The following COL6A5 variants were observed in gnomAD, a reference collection of about 807,000 sequenced individuals.
The protein encoded by COL6A5 is collagen type VI alpha 5 chain.
Under a neutral mutation model 65.6 loss-of-function variants are expected in COL6A5, and 48 were observed. The observed-to-expected ratio is 0.73, with a 90% CI of 0.58 to 0.93. The LOEUF (loss-of-function observed/expected upper bound fraction) is 0.93. Among genes scored for constraint, COL6A5 ranks in the 40% least tolerant of loss-of-function variants. The probability of loss-of-function intolerance (pLI) is 0.00; values close to 1 mark genes in which losing one functional copy is unlikely to be tolerated. For synonymous variants in COL6A5, 291 were observed against 322.8 expected (o/e 0.90, Z 1.05); for missense variants, 914 against 928.3 (o/e 0.98, Z 0.20).
intron 3 of COL6A5, 124 bp downstream of exon 3, chr3:130,376,960 A>G (rs1935807704): frequency 1.3e-5 from 14 of 1,087,154 alleles, no homozygotes; most frequent in Non-Finnish European, 1.7e-5. Context: ...GGAAACTTCT[A>G]CACATCATAC....
intron 3 of COL6A5, among the ~76,000 whole-genome samples, chr3:130,377,990 T>C (rs1385863502): frequency 2.0e-5 from 3 of 152,170 alleles, no homozygotes; most frequent in Non-Finnish European, 4.4e-5. Flanking sequence ...GGAGGAATAG[T>C]GATAAGTAAG....
chr3:130,479,419 C>CA (rs1553761758), intron 7 of COL6A5, among the ~76,000 whole-genome samples: 1 of 151,228 alleles, frequency 6.6e-6, no homozygotes, highest in Admixed American at 6.6e-5. Flanking sequence ...TTTTATCAGG[C>CA]AAAACAAAAA....
exon 8 of COL6A5, chr3:130,484,503 A>T: frequency 2.5e-6 from 1 of 401,412 alleles, no homozygotes; most frequent in African/African-American, 2.0e-5. Context: ...TGCCCATGTC[A>T]TCGGTTCTGG....
chr3:130,474,896 A>G (rs1710049534), intron 7 of COL6A5, among the ~76,000 whole-genome samples: 1 of 150,498 alleles, frequency 6.6e-6, no homozygotes, highest in Non-Finnish European at 1.5e-5. Flanking sequence ...AGTCCCAGGT[A>G]CTCAGGTGAC....
intron 4 of COL6A5, among the ~76,000 whole-genome samples, chr3:130,380,601 T>G (rs1252372917): frequency 6.6e-6 from 1 of 152,172 alleles, no homozygotes; most frequent in African/African-American, 2.4e-5. Flanking sequence ...CACTGTCCAC[T>G]AGGTCAGCCA....
chr3:130,359,083 A>C (rs1302674448), intron 1 of COL6A5, among the ~76,000 whole-genome samples: 2 of 152,182 alleles, frequency 1.3e-5, no homozygotes, highest in Admixed American at 1.3e-4. Flanking sequence ...AGTGTGGTCA[A>C]TCCAGTCTGT....
chr3:130,456,009 G>A (rs918855099), intron 5 of COL6A5, among the ~76,000 whole-genome samples: 4 of 152,000 alleles, frequency 2.6e-5, no homozygotes, highest in Non-Finnish European at 5.9e-5. Context: ...TTTTTTGGGG[G>A]GAGGAATGGA....
exon 5 of COL6A5, chr3:130,385,142 C>T (rs752442814): frequency 4.2e-5 from 65 of 1,550,826 alleles, no homozygotes; most frequent in Middle Eastern, 1.7e-4. Context: ...TCCCTGTTAC[C>T]TCATTGTGTT....
intron 5 of COL6A5, among the ~76,000 whole-genome samples, chr3:130,461,659 C>T (rs1394801192): frequency 6.6e-6 from 1 of 151,614 alleles, no homozygotes; most frequent in East Asian, 1.9e-4. Flanking sequence ...TATCCAATGG[C>T]CAAATTTGAA....
intron 20 of COL6A5, among the ~76,000 whole-genome samples, chr3:130,410,787 A>G (rs995117466): frequency 1.3e-5 from 2 of 152,148 alleles, no homozygotes; most frequent in African/African-American, 4.8e-5. Flanking sequence ...CACTTGTGAC[A>G]TTCACAAGCG....
rs182563441 is a variant in COL6A5 at position 130,480,932 on chromosome 3, G to A, written c.2329-3103G>A. ...AAGGCAAATAAGGGTGTCATCTCAG[G>A]CGAAGTCCCATAGAGGGCAGCTTAA... On this transcript the variant is annotated intron_variant, in intron 7 of 7. Transcript: ENST00000512836. Among the ~76,000 whole-genome samples the A allele has an allele frequency of 5.9e-5, 9 of 152,240 alleles. No homozygotes were observed. The East Asian group carries it at 1.5e-3, about 26-fold the overall frequency.
chr3:130,401,192 TC>T lies in COL6A5; in HGVS notation c.4134+23del. ...GTACCTGGTGAGTTGTTGAACAAAA[TC>T]CCCGGTTGTTCAAAATGCCATGGGA... On this transcript the variant is annotated intron_variant and NMD_transcript_variant, in intron 11 of 41. Transcript: ENST00000312481. 6.6e-7 allele frequency: 1 copy of T among 1,518,894 alleles called. No individual in the cohort carries two copies. Among genetic ancestry groups the T allele is most frequent in the East Asian group, 2.5e-5 (1 of 40,616 alleles). 94.1% of individuals were successfully genotyped at this position (1,518,894 alleles called of 1,614,324 possible).
intron 7 of COL6A5, among the ~76,000 whole-genome samples, 199 bp from the exon 41 acceptor site, chr3:130,483,836 A>T (rs569529399): frequency 8.5e-5 from 13 of 152,278 alleles, no homozygotes; most frequent in African/African-American, 3.1e-4. Flanking sequence ...AGGAAGAATT[A>T]TGTCTATGAT....
intron 23 of COL6A5, among the ~76,000 whole-genome samples, chr3:130,416,071 A>T (rs1937327971): frequency 6.6e-6 from 1 of 152,170 alleles, no homozygotes; most frequent in South Asian, 2.1e-4. Flanking sequence ...TTCACTATAG[A>T]TATTTAAAAT....
chr3:130,355,574 A>G (rs910012980), intron 1 of COL6A5, among the ~76,000 whole-genome samples: 5 of 151,976 alleles, frequency 3.3e-5, no homozygotes, highest in African/African-American at 1.2e-4. Flanking sequence ...TACTTAGGGT[A>G]AACTAGTAAA....
chr3:130,385,056 G>A (rs921995485), exon 5 of COL6A5: 1 of 1,550,926 alleles, frequency 6.4e-7, no homozygotes, highest in South Asian at 1.2e-5. Context: ...CTAACTGGTG[G>A]AACTTATACT....
chr3:130,446,612 A>G (rs1709310961), intron 4 of COL6A5, among the ~76,000 whole-genome samples: 1 of 152,056 alleles, frequency 6.6e-6, no homozygotes, highest in African/African-American at 2.4e-5. Context: ...GTTTCTGTGG[A>G]GTCGGCACAG....
intron 7 of COL6A5, among the ~76,000 whole-genome samples, chr3:130,473,710 T>C (rs1276232391): frequency 2.0e-5 from 3 of 152,084 alleles, no homozygotes; most frequent in Admixed American, 2.0e-4. Context: ...CAAGTGTTTC[T>C]TGTGATTAGG....
chr3:130,466,988 TG>T (rs1480003702), intron 5 of COL6A5, among the ~76,000 whole-genome samples: 4 of 152,022 alleles, frequency 2.6e-5, no homozygotes, highest in African/African-American at 9.7e-5. Flanking sequence ...CAGGTATGGA[TG>T]ATTTCACTGG....
Sources: gnomAD v4.1 joint callset for allele counts (sites outside exome capture counted in the v4.1 genomes callset) on GRCh38, gnomAD v4.1.1 for gene constraint, MANE v1.5 for transcripts, NCBI Gene and HGNC (gene_info 2026-07-23, HGNC 2026-07-21) for gene names.